Variants in ZNF438 observed in about 807,000 individuals in gnomAD.
ZNF438 encodes zinc finger protein 438.
ZNF438 carries 25 observed loss-of-function variants against 38.0 expected under a neutral mutation model. That is an observed-to-expected ratio of 0.66 (90% CI 0.48 to 0.92). The LOEUF (loss-of-function observed/expected upper bound fraction) is 0.92. ZNF438 is among the 40% of genes least tolerant of loss of function. ZNF438 has a pLI of 0.00. For synonymous variants in ZNF438, 372 were observed against 364.1 expected (o/e 1.02, Z -0.25); for missense variants, 1,007 against 999.6 (o/e 1.01, Z -0.10).
chr10:30,876,413 G>T (rs540887936), intron 4 of ZNF438, among the ~76,000 whole-genome samples: 1 of 152,186 alleles, frequency 6.6e-6, no homozygotes, highest in East Asian at 1.9e-4. Context: ...GATGAAGAAA[G>T]GACTCTACCT....
rs111841929 is a variant in ZNF438 at position 30,889,636 on chromosome 10, C to T, written c.-31-12571G>A. 7.1e-3 allele frequency among the ~76,000 whole-genome samples: 1,082 copies of T among 152,304 alleles called. 10 individuals carry two copies. Among genetic ancestry groups the T allele is most frequent in the Non-Finnish European group, 0.012 (834 of 68,010 alleles). On this transcript the variant is annotated intron_variant, in intron 3 of 5. Coordinates refer to ENST00000413025, the Ensembl canonical transcript of ZNF438. ...GGCCAGGCTGGTCTTGAACTCCTGA[C>T]CTGAAGTGATCTGCCCACCTCGGCC... is the stretch of plus-strand genomic sequence containing the variant.
chr10:30,915,369 A>G (rs1194938320), intron 2 of ZNF438, among the ~76,000 whole-genome samples: 5 of 152,070 alleles, frequency 3.3e-5, no homozygotes, highest in Non-Finnish European at 7.4e-5. Context: ...AAATGAAGCA[A>G]TAAGGCTTTG....
intron 1 of ZNF438, among the ~76,000 whole-genome samples, chr10:30,942,416 T>C (rs1397231058): frequency 6.6e-6 from 1 of 152,234 alleles, no homozygotes; most frequent in Non-Finnish European, 1.5e-5. Context: ...ATCTATTTTG[T>C]TACTACGGTA....
At chr10:30,867,554 T>A (rs1024062372) in intron 4 of ZNF438, among the ~76,000 whole-genome samples, 32 of 152,176 alleles carry the variant, frequency 2.1e-4, no homozygotes, top group African/African-American at 7.5e-4. Flanking sequence ...TCAATAATTT[T>A]TGAGAGTGTA....
intron 1 of ZNF438, among the ~76,000 whole-genome samples, chr10:31,025,949 T>A (rs2056908737): frequency 6.6e-6 from 1 of 152,132 alleles, no homozygotes; most frequent in Admixed American, 6.5e-5. Flanking sequence ...ATAAAAGTGA[T>A]TGCAAGAAGT....
chr10:31,009,099 G>A (rs2055415063), intron 1 of ZNF438, among the ~76,000 whole-genome samples: 1 of 152,108 alleles, frequency 6.6e-6, no homozygotes, highest in African/African-American at 2.4e-5. Context: ...CATTTTAATG[G>A]GGTATTTTTG....
chr10:31,021,054 CTTTTTT>C (rs9331411), intron 1 of ZNF438, among the ~76,000 whole-genome samples: 3 of 128,566 alleles, frequency 2.3e-5, no homozygotes. Context: ...ACAACAGCAA[CTTTTTT>C]TTTTTTTTTT....
At chr10:30,846,778 C>T (rs945805948) in intron 5 of ZNF438, among the ~76,000 whole-genome samples, 2 of 152,186 alleles carry the variant, frequency 1.3e-5, no homozygotes, top group African/African-American at 2.4e-5. Flanking sequence ...GGCATCTCTG[C>T]ACTCTCAGGG....
At chr10:30,882,538 C>A (rs551226060) in intron 3 of ZNF438, among the ~76,000 whole-genome samples, 2 of 152,258 alleles carry the variant, frequency 1.3e-5, no homozygotes, top group Admixed American at 6.5e-5. Context: ...TGACCTACAT[C>A]ACAATAGAAA....
chr10:31,017,928 TA>T (rs1324808787), intron 1 of ZNF438, among the ~76,000 whole-genome samples: 1 of 152,248 alleles, frequency 6.6e-6, no homozygotes, highest in Admixed American at 6.5e-5. Flanking sequence ...TTGGCTTAAA[TA>T]ATGAAGTGAC....
In ZNF438 at chr10:30,992,673, A is replaced by G. The variant is rs563516874; in HGVS notation, c.-192+39160T>C. Among the ~76,000 whole-genome samples, 17 of 152,336 alleles carry G rather than the reference A, an allele frequency of 1.1e-4. No homozygotes were observed. The South Asian group carries it at 3.1e-3, about 28-fold the overall frequency. ...GGTGATCTGCCTGCCTTGGCCTCCC[A>G]CAGTGCAGGGATTACAGGCGTGAGC... On this transcript the variant is annotated intron_variant, in intron 1 of 5. Transcript: ENST00000413025.
intron 4 of ZNF438, among the ~76,000 whole-genome samples, chr10:30,858,735 T>C (rs2035097323): frequency 6.6e-6 from 1 of 152,156 alleles, no homozygotes; most frequent in Admixed American, 6.5e-5. Context: ...CTGGAGATCT[T>C]GTATCCTGAA....
chr10:30,884,099 A>G (rs2039633527), intron 3 of ZNF438, among the ~76,000 whole-genome samples: 1 of 151,860 alleles, frequency 6.6e-6, no homozygotes, highest in Admixed American at 6.5e-5. Context: ...AAATGTTTTT[A>G]TTTTCATTGT....
intron 1 of ZNF438, among the ~76,000 whole-genome samples, chr10:31,030,843 T>G (rs1411837353): frequency 6.6e-6 from 1 of 152,178 alleles, no homozygotes; most frequent in African/African-American, 2.4e-5. Flanking sequence ...TAGTACCCCT[T>G]GACCAAAATA....
intron 1 of ZNF438, among the ~76,000 whole-genome samples, chr10:31,009,268 G>T (rs2055432045): frequency 6.6e-6 from 1 of 152,102 alleles, no homozygotes; most frequent in Admixed American, 6.5e-5. Context: ...TCCCCATTTT[G>T]CAGACAGAAT....
At chr10:30,937,968 T>G (rs987173543) in intron 2 of ZNF438, among the ~76,000 whole-genome samples, 2 of 152,206 alleles carry the variant, frequency 1.3e-5, no homozygotes, top group African/African-American at 4.8e-5. Flanking sequence ...TCAAGGATTT[T>G]CAACCCTGGA....
intron 3 of ZNF438, among the ~76,000 whole-genome samples, chr10:30,894,411 C>T (rs914272526): frequency 2.6e-5 from 4 of 152,116 alleles, no homozygotes; most frequent in Admixed American, 2.0e-4. Context: ...GAGAGGAAGC[C>T]GCTGACCCAG....
rs376457113 is a variant in ZNF438 at position 30,981,802 on chromosome 10, C to T, written c.-191-40151G>A. ...CTGAGGAAGGAGAATTACTTGAACC[C>T]GGGAGGTGGAGGTTGCAGCAAGCCG... On this transcript the variant is annotated intron_variant, in intron 1 of 5. Coordinates refer to ENST00000413025, the Ensembl canonical transcript of ZNF438. 6.0e-5 allele frequency among the ~76,000 whole-genome samples: 9 copies of T among 150,968 alleles called. No homozygotes were observed. In the East Asian group the frequency reaches 9.9e-4, roughly 17 times the overall value.
chr10:30,917,092 A>G (rs994618037), intron 2 of ZNF438, among the ~76,000 whole-genome samples: 1 of 151,998 alleles, frequency 6.6e-6, no homozygotes, highest in Non-Finnish European at 1.5e-5. Flanking sequence ...AATCATTACC[A>G]CTACCCAAAG....
Sources: allele counts gnomAD v4.1 joint callset (sites outside exome capture counted in the v4.1 genomes callset), GRCh38; gene constraint gnomAD v4.1.1; transcripts MANE v1.5; gene names NCBI Gene and HGNC (gene_info 2026-07-23, HGNC 2026-07-21).